The following CFAP57 variants were observed in gnomAD, a reference collection of about 807,000 sequenced individuals.
CFAP57 encodes cilia and flagella associated protein 57.
A neutral mutation model predicts 146.8 loss-of-function variants in CFAP57; 116 were observed. That is an observed-to-expected ratio of 0.79 (90% CI 0.68 to 0.92). The LOEUF is 0.92. CFAP57 is among the 40% of genes least tolerant of loss of function. CFAP57 has a pLI of 0.00. For missense variants in CFAP57, 1,377 were observed against 1,527.2 expected (o/e 0.90, Z 1.64); for synonymous variants, 518 against 552.8 (o/e 0.94, Z 0.88).
intron 6 of CFAP57, among the ~76,000 whole-genome samples, chr1:43,191,393 C>G (rs1274628107): frequency 6.6e-6 from 1 of 152,084 alleles, no homozygotes; most frequent in Non-Finnish European, 1.5e-5. Context: ...TGAGACCATC[C>G]TGGCTAACAC....
At position 43,183,970 on chromosome 1, in the gene CFAP57, T is replaced by C; in HGVS notation, c.761+93T>C. The C allele has an allele frequency of 1.3e-6, 2 of 1,527,692 alleles. 1 individual carries two copies. Among genetic ancestry groups the C allele is most frequent in the South Asian group, 2.3e-5 (2 of 86,426 alleles). 94.6% of individuals were successfully genotyped at this position (1,527,692 alleles called of 1,614,324 possible). A position where few individuals can be genotyped will look rare whatever the true frequency, so the allele number is the denominator to read the frequency against. Reference sequence around the variant, plus strand: ...CTCTTTAGAAACCACTCATAACCCCTCTACCGTAAAAGTCAACTATGCCCA... The same window carrying C: ...CTCTTTAGAAACCACTCATAACCCCCCTACCGTAAAAGTCAACTATGCCCA... On this transcript the variant is annotated intron_variant, in intron 4 of 22. Transcript: ENST00000372492.
intron 6 of CFAP57, among the ~76,000 whole-genome samples, chr1:43,196,110 T>G (rs1002090120): frequency 6.6e-6 from 1 of 152,222 alleles, no homozygotes; most frequent in African/African-American, 2.4e-5. Context: ...TGAAAAAATA[T>G]GGTAGAGTTA....
At chr1:43,203,067 G>A (rs1355580469) in intron 9 of CFAP57, among the ~76,000 whole-genome samples, 2 of 151,904 alleles carry the variant, frequency 1.3e-5, no homozygotes. Context: ...CAGCTACTCG[G>A]GAGGCTGAGG....
At chr1:43,237,528 T>C (rs1040084035) in intron 21 of CFAP57, among the ~76,000 whole-genome samples, 1 of 152,212 alleles carries the variant, frequency 6.6e-6, no homozygotes, top group Non-Finnish European at 1.5e-5. Context: ...TATGCAGTGC[T>C]GTGGGCTCAT....
intron 11 of CFAP57, chr1:43,211,575 CAAAAAAA>C (rs34882991): frequency 7.7e-6 from 1 of 130,570 alleles, no homozygotes; most frequent in Non-Finnish European, 1.6e-5. Context: ...ATTCTGTCTC[CAAAAAAA>C]AAAAAAAAAA....
At chr1:43,220,007 G>A (rs1644982779) in intron 13 of CFAP57, among the ~76,000 whole-genome samples, 1 of 151,928 alleles carries the variant, frequency 6.6e-6, no homozygotes, top group South Asian at 2.1e-4. Context: ...ATTGCTAAGT[G>A]AAAAAAAGCA....
At chr1:43,182,239 C>T (rs906521803) in intron 3 of CFAP57, among the ~76,000 whole-genome samples, 10 of 152,164 alleles carry the variant, frequency 6.6e-5, no homozygotes, top group East Asian at 1.9e-4. Flanking sequence ...GGAAGATTTC[C>T]GAAATGTGAT....
At chr1:43,197,501 C>T in intron 6 of CFAP57, 52 bp from the exon 7 acceptor site, 1 of 1,613,210 alleles carries the variant, frequency 6.2e-7, no homozygotes, top group Non-Finnish European at 8.5e-7. Context: ...CTGACATGTA[C>T]AGCCAGCCTT....
At chr1:43,223,655 A>T (rs1402783778) in intron 16 of CFAP57, among the ~76,000 whole-genome samples, 1 of 152,212 alleles carries the variant, frequency 6.6e-6, no homozygotes, top group East Asian at 1.9e-4. Context: ...GGTCATGGCT[A>T]AGATGGCTCA....
rs200211664 is a variant in CFAP57 at position 43,198,571 on chromosome 1, C to T, written c.1353C>T (p.Asp451=). ...ACTTCATTGTAGTAGGGTTTGCTGA[C>T]AAACTACGCCTCATGAATCTACTCA... ...SGHFIVVGFA[D]KLRLMNLLID... is the part of the protein sequence containing the mutation. The change falls in exon 8 of 23, where the codon GAC becomes GAT. Residue 451 remains aspartate (D), a synonymous_variant. Coordinates refer to ENST00000372492, the MANE Select transcript of CFAP57 (RefSeq NM_001378189.1). 6.2e-7 allele frequency: 1 copy of T among 1,614,094 alleles called. No individual in the cohort carries two copies. Among genetic ancestry groups the T allele is most frequent in the African/African-American group, 1.3e-5 (1 of 75,040 alleles).
intron 1 of CFAP57, 112 bp downstream of exon 1, chr1:43,172,565 G>C: frequency 1.2e-6 from 1 of 841,720 alleles, no homozygotes; most frequent in Non-Finnish European, 1.9e-6. Context: ...AGGACCCCGG[G>C]GGAGGGGAAA....
intron 6 of CFAP57, among the ~76,000 whole-genome samples, chr1:43,190,265 CTTTTTTTT>C (rs71036614): frequency 4.2e-5 from 3 of 71,420 alleles, no homozygotes; most frequent in African/African-American, 5.5e-5. Context: ...CATCCAGTCT[CTTTTTTTT>C]TTTTTTTTTT....
At chr1:43,243,447 G>GT in intron 22 of CFAP57, 88 bp downstream of exon 22, 3 of 1,383,804 alleles carry the variant, frequency 2.2e-6, no homozygotes, top group Non-Finnish European at 2.8e-6. Context: ...GCTTCCTTCT[G>GT]TATCAGGTCC....
chr1:43,230,625 C>G (rs1327637820), intron 18 of CFAP57, among the ~76,000 whole-genome samples: 1 of 152,196 alleles, frequency 6.6e-6, no homozygotes, highest in African/African-American at 2.4e-5. Flanking sequence ...GCCCATGCCT[C>G]TGGTCCTCTC....
At chr1:43,248,522 A>G (rs1261389787) in intron 22 of CFAP57, among the ~76,000 whole-genome samples, 1 of 151,416 alleles carries the variant, frequency 6.6e-6, no homozygotes, top group Non-Finnish European at 1.5e-5. Context: ...GGGTTTCACC[A>G]TGTTATCCAG....
intron 6 of CFAP57, among the ~76,000 whole-genome samples, chr1:43,188,632 G>A (rs576896032): frequency 6.6e-6 from 1 of 152,092 alleles, no homozygotes; most frequent in South Asian, 2.1e-4. Flanking sequence ...TTTTATTATT[G>A]AGTTGTAACA....
chr1:43,211,804 C>T (rs12134739), intron 11 of CFAP57, among the ~76,000 whole-genome samples: 1,493 of 60,204 alleles, frequency 0.025, 12 homozygotes, highest in Middle Eastern at 0.054. Context: ...CTATGATGGA[C>T]TGTAACTTAC....
At chr1:43,177,773 A>T (rs1294598587) in intron 2 of CFAP57, among the ~76,000 whole-genome samples, 1 of 152,214 alleles carries the variant, frequency 6.6e-6, no homozygotes, top group African/African-American at 2.4e-5. Flanking sequence ...CACAGTTCAC[A>T]ACAGGGTTTG....
At chr1:43,205,657 G>A (rs1204118806) in intron 9 of CFAP57, among the ~76,000 whole-genome samples, 3 of 152,290 alleles carry the variant, frequency 2.0e-5, no homozygotes, top group African/African-American at 4.8e-5. Context: ...ACAATGGGCC[G>A]AGGGGAAGAG....
Sources: gnomAD v4.1 joint callset for allele counts (sites outside exome capture counted in the v4.1 genomes callset) on GRCh38, gnomAD v4.1.1 for gene constraint, MANE v1.5 for transcripts, NCBI Gene and HGNC (gene_info 2026-07-23, HGNC 2026-07-21) for gene names.